The following P3H1 variants were observed in gnomAD, a reference collection of about 807,000 sequenced individuals.
The protein encoded by P3H1 is prolyl 3-hydroxylase 1.
In P3H1, 69 loss-of-function variants were observed where a neutral mutation model predicts 84.0. The ratio of observed to expected loss-of-function variants is 0.82; its 90% CI spans 0.68 to 1.00. The LOEUF (loss-of-function observed/expected upper bound fraction) is 1.00. P3H1 is among the 50% of genes least tolerant of loss of function. The pLI is 0.00. For missense variants in P3H1, 878 were observed against 962.8 expected (o/e 0.91, Z 1.17); for synonymous variants, 366 against 388.8 (o/e 0.94, Z 0.69).
chr1:42,753,558 C>A (rs1652224957), intron 8 of P3H1, among the ~76,000 whole-genome samples: 1 of 152,164 alleles, frequency 6.6e-6, no homozygotes, highest in South Asian at 2.1e-4. Flanking sequence ...AAATAACTAG[C>A]ATAAGACAGA....
chr1:42,747,411 G>A lies in P3H1; in HGVS notation c.1916C>T (p.Ala639Val), dbSNP rs758719687. 1 of 1,610,268 alleles carries A rather than the reference G, an allele frequency of 6.2e-7. No homozygotes were observed. The highest frequency in any genetic ancestry group is 8.5e-7 in the Non-Finnish European group (1 of 1,178,444). ...TCTTCCACACTGAGGCTGCACCTCT[G>A]CCTAAGGGGGACAGAAAGGGAGGGG... ...FTELDAKTVT[A>V]EVQPQCGRAV... Residue 639 changes from alanine to valine, a missense_variant and splice_region_variant, in exon 14 of 15, where the codon GCA becomes GTA. Ala to Val is a moderately conservative substitution (Grantham distance 64). Coordinates refer to ENST00000296388, the MANE Select transcript of P3H1 (RefSeq NM_022356.4).
chr1:42,759,458 A>G, intron 2 of P3H1, 68 bp from the exon 3 acceptor site: 1 of 1,390,390 alleles, frequency 7.2e-7, no homozygotes, highest in Non-Finnish European at 1.0e-6. Flanking sequence ...GCCCTCAGCC[A>G]CCTTCACAGG....
At chr1:42,764,986 A>C (rs1422651123) in intron 1 of P3H1, among the ~76,000 whole-genome samples, 1 of 152,018 alleles carries the variant, frequency 6.6e-6, no homozygotes, top group African/African-American at 2.4e-5. Flanking sequence ...TTGTGGACAA[A>C]TGTCTGCCTC....
At chr1:42,747,647 C>T (rs1651804194) in intron 13 of P3H1, 76 bp downstream of exon 13, 2 of 1,525,330 alleles carry the variant, frequency 1.3e-6, no homozygotes, top group South Asian at 1.1e-5. Flanking sequence ...TTATTTTTGT[C>T]CACTGCACTT....
chr1:42,762,389 G>A lies in P3H1; in HGVS notation c.552C>T (p.Asp184=). 1 of 1,614,108 alleles carries A rather than the reference G, an allele frequency of 6.2e-7. No homozygotes were observed. Among genetic ancestry groups the A allele is most frequent in the Non-Finnish European group, 8.5e-7 (1 of 1,179,956 alleles). Residue 184 remains aspartate (D), a synonymous_variant, in exon 2 of 15, where the codon GAC becomes GAT. Transcript: ENST00000296388. Reference sequence around the variant, plus strand: ...TCACTCCAGACATGGTTTGGTAATAGTCTAGGTTCTGCTGCATTTCCATGT... The same window carrying A: ...TCACTCCAGACATGGTTTGGTAATAATCTAGGTTCTGCTGCATTTCCATGT... The part of the protein sequence containing the change: ...PEHMEMQQNL[D]YYQTMSGVKE...
In P3H1 at chr1:42,766,996, G is replaced by T. The variant is rs751769980; in HGVS notation, c.-25C>A. ...TCGCTCCCTCAGACCTAACGGAACC[G>T]CCAGCCACCCGCCACCAAGGCCGGA... On this transcript the variant is annotated 5_prime_UTR_variant, in exon 1 of 15. Transcript: ENST00000296388. The T allele has an allele frequency of 1.0e-5, 16 of 1,600,816 alleles. No homozygotes were observed. The highest frequency in any genetic ancestry group is 1.7e-5 in the Admixed American group (1 of 59,398).
Position 42,762,453 on chromosome 1 carries a change from A to T in P3H1, c.488T>A (p.Val163Asp). 6.2e-7 allele frequency: 1 copy of T among 1,614,160 alleles called. No homozygotes were observed. The change falls in exon 2 of 15, where the codon GTT becomes GAT. Residue 163 changes from valine (V) to aspartate (D), a missense_variant. Physicochemically the swap from Val to Asp is radical, Grantham distance 152. Transcript: ENST00000296388. ...CACGAAGAAGGTGTGTGCTGCAGCA[A>T]CAGCTTTCTCCAACTTGTTGATCTA... ...YFKINKLEKAVAAAHTFFVGN... is the reference protein window; with the variant it reads ...YFKINKLEKADAAAHTFFVGN...
intron 1 of P3H1, among the ~76,000 whole-genome samples, chr1:42,762,926 T>C (rs1652796792): frequency 6.6e-6 from 1 of 151,882 alleles, no homozygotes; most frequent in African/African-American, 2.4e-5. Flanking sequence ...ACCCTGTCTT[T>C]ACGAAAAATA....
At position 42,752,659 on chromosome 1, in the gene P3H1, G is replaced by A; in HGVS notation, c.1351C>T (p.Pro451Ser). The A allele has an allele frequency of 1.9e-6, 3 of 1,614,164 alleles. No individual in the cohort carries two copies. Among genetic ancestry groups the A allele is most frequent in the African/African-American group, 1.3e-5 (1 of 75,044 alleles). Residue 451 changes from proline (P) to serine (S), a missense_variant, in exon 9 of 15, where the codon CCC becomes TCC. By Grantham distance (74) the Pro-to-Ser change is moderately conservative. Coordinates refer to ENST00000296388, the MANE Select transcript of P3H1 (RefSeq NM_022356.4). ...AGACTGATGCCTTCATACAGCAGGG[G>A]GCCACCTGCAAAGCAATGACAAAAC... is the stretch of plus-strand genomic sequence containing the variant. Reference protein sequence around the residue: ...DVSRLTREGGPLLYEGISLTM... With the variant: ...DVSRLTREGGSLLYEGISLTM...
In P3H1 at chr1:42,766,929, C is replaced by G. The variant is rs1445222142; in HGVS notation, c.43G>C (p.Val15Leu). The G allele has an allele frequency of 6.2e-7, 1 of 1,609,530 alleles. No homozygotes were observed. Residue 15 changes from valine (V) to leucine (L), a missense_variant, in exon 1 of 15, where the codon GTC becomes CTC. By Grantham distance (32) the Val-to-Leu change is conservative (BLOSUM62 1). Coordinates refer to ENST00000296388, the MANE Select transcript of P3H1 (RefSeq NM_022356.4). ...TCGGCTTGGGAGGCAGCGGCCACGA[C>G]AGCCAGCAGTGTGGTCAGCAGCTTC... Reference protein sequence around the residue: ...ALKLLTTLLAVVAAASQAEVE... With the variant: ...ALKLLTTLLALVAAASQAEVE...
intron 11 of P3H1, among the ~76,000 whole-genome samples, chr1:42,749,163 T>C (rs528411918): frequency 6.6e-6 from 1 of 152,392 alleles, no homozygotes; most frequent in African/African-American, 2.4e-5. Flanking sequence ...CCTTCACTGC[T>C]TGATGAGGCC....
rs1652565379 is a variant in P3H1, at chr1:42,759,199, A to G, written c.808+2T>C. 1.2e-6 allele frequency: 2 copies of G among 1,614,030 alleles called. No individual in the cohort carries two copies. Among genetic ancestry groups the G allele is most frequent in the Admixed American group, 1.7e-5 (1 of 59,988 alleles). ...GAAGGTCTGGCTCTGAACTGCACGCACCTGTGATGGCCTGGAAGAGGTCAG... is the reference window on the plus strand; with the variant it reads ...GAAGGTCTGGCTCTGAACTGCACGCGCCTGTGATGGCCTGGAAGAGGTCAG... On this transcript the variant is annotated splice_donor_variant, in intron 3 of 14. Transcript: ENST00000296388. LOFTEE classifies it high-confidence loss of function.
Position 42,748,237 on chromosome 1 carries a change from CA to C in P3H1, c.1800del (p.Cys600TrpfsTer19). On this transcript the variant is annotated frameshift_variant, in exon 12 of 15. Coordinates refer to ENST00000296388, the MANE Select transcript of P3H1 (RefSeq NM_022356.4). LOFTEE classifies it high-confidence loss of function. ...AAGGTGTAGGCTGGGGGCTCTTTGA[CA>C]CACACGAGGGTCTCGGCATTCAGGA... Reference protein sequence around the residue: ...NCILNAETLVCVKEPPAYTFR... With the variant: ...NCILNAETLVXVKEPPAYTFR... The C allele has an allele frequency of 1.9e-6, 3 of 1,613,988 alleles. No individual in the cohort carries two copies. The highest frequency in any genetic ancestry group is 2.5e-6 in the Non-Finnish European group (3 of 1,180,012).
Position 42,747,374 on chromosome 1 carries a change from G to A in P3H1, c.1953C>T (p.Phe651=), listed in dbSNP as rs759960109. The change falls in exon 14 of 15, where the codon TTC becomes TTT. Residue 651 remains phenylalanine (F), a synonymous_variant. Transcript: ENST00000296388. ...VQPQCGRAVG[F]SSGTENPHGV... is the part of the protein sequence containing the mutation. ...CATGTGGGTTTTCAGTGCCTGAAGA[G>A]AATCCCACGGCTCTTCCACACTGAG... 1 of 1,610,910 alleles carries A rather than the reference G, an allele frequency of 6.2e-7. No homozygotes were observed. Among genetic ancestry groups the A allele is most frequent in the Non-Finnish European group, 8.5e-7 (1 of 1,178,554 alleles).
rs746036609 is a variant in P3H1 at position 42,746,581 on chromosome 1, G to A, written c.*116C>T. On this transcript the variant is annotated 3_prime_UTR_variant, in exon 15 of 15. Transcript: ENST00000296388. ...AGAAGGCTGTGAGCAGGGTCCCCTC[G>A]GCTGAGTGGCAGATGTAGGCTCACT... 20 of 824,610 alleles carry A rather than the reference G, an allele frequency of 2.4e-5. No individual in the cohort carries two copies. The highest frequency in any genetic ancestry group is 5.1e-5 in the African/African-American group (3 of 58,980). 51.1% of individuals were successfully genotyped at this position (824,610 alleles called of 1,614,324 possible). A position where few individuals can be genotyped will look rare whatever the true frequency, so the allele number is the denominator to read the frequency against.
rs751705501 is a variant in P3H1, at chr1:42,759,226, G to T, written c.783C>A (p.Asn261Lys). 4 of 1,614,194 alleles carry T rather than the reference G, an allele frequency of 2.5e-6. No homozygotes were observed. Among genetic ancestry groups the T allele is most frequent in the Non-Finnish European group, 3.4e-6 (4 of 1,180,032 alleles). Residue 261 changes from asparagine to lysine, a missense_variant, in exon 3 of 15, where the codon AAC becomes AAA. By Grantham distance (94) the Asn-to-Lys change is moderately conservative. Transcript: ENST00000296388. Reference protein sequence around the residue: ...DYDGYNYLEYNADLFQAITDH... With the variant: ...DYDGYNYLEYKADLFQAITDH... ...CTGTGATGGCCTGGAAGAGGTCAGC[G>T]TTGTACTCAAGGTAGTTGTAGCCAT...
chr1:42,755,677 C>A, intron 5 of P3H1, 40 bp from the exon 6 acceptor site: 1 of 1,538,134 alleles, frequency 6.5e-7, no homozygotes, highest in Non-Finnish European at 9.0e-7. Context: ...AGAACTCAGC[C>A]CTGTCTTTTA....
At chr1:42,755,068 C>G in intron 7 of P3H1, 78 bp from the exon 8 acceptor site, 1 of 1,613,528 alleles carries the variant, frequency 6.2e-7, no homozygotes, top group Non-Finnish European at 8.5e-7. Context: ...ACTGGACCTG[C>G]CCACCCCTTG....
intron 12 of P3H1, 139 bp from the exon 13 acceptor site, chr1:42,747,937 C>A: frequency 1.2e-6 from 1 of 838,854 alleles, no homozygotes; most frequent in East Asian, 2.6e-5. Context: ...ATACTGATGC[C>A]GTACAAACTC....
Sources: gnomAD v4.1 joint callset for allele counts (sites outside exome capture counted in the v4.1 genomes callset) on GRCh38, gnomAD v4.1.1 for gene constraint, MANE v1.5 for transcripts, NCBI Gene and HGNC (gene_info 2026-07-23, HGNC 2026-07-21) for gene names.